Variants in FANCA observed in about 807,000 individuals in gnomAD.
The protein encoded by FANCA is Fanconi anemia group A protein.
FANCA carries 236 observed loss-of-function variants against 194.3 expected under a neutral mutation model. The observed-to-expected ratio is 1.21, with a 90% CI of 1.09 to 1.35. The LOEUF (loss-of-function observed/expected upper bound fraction) is 1.35, where lower values mean the gene tolerates loss of function less well. Ranked by LOEUF, FANCA falls within the 40% of genes most tolerant of loss-of-function variation. The pLI is 0.00. For missense variants in FANCA, 2,628 were observed against 1,813.9 expected, an observed-to-expected ratio of 1.45 and a Z score of -8.15; for synonymous variants, 1,014 against 715.8, an observed-to-expected ratio of 1.42 and a Z score of -6.65.
intron 17 of FANCA, among the ~76,000 whole-genome samples, 174 bp from the exon 18 acceptor site, chr16:89,780,131 C>T (rs1366728735): frequency 1.3e-5 from 2 of 152,178 alleles, no homozygotes; most frequent in African/African-American, 4.8e-5. Flanking sequence ...CAAAATGTCC[C>T]AAAATACCAG....
chr16:89,806,398 G>T lies in FANCA; in HGVS notation c.597-1006C>A, dbSNP rs1362266344. ...ATCATTCTTGGGTGTTTCTCGCAGAGGGGGATTTGGCAGGGTCATAGGACA... is the reference window on the plus strand; with the variant it reads ...ATCATTCTTGGGTGTTTCTCGCAGATGGGGATTTGGCAGGGTCATAGGACA... On this transcript the variant is annotated intron_variant, in intron 6 of 42. Coordinates refer to ENST00000389301, the MANE Select transcript of FANCA (RefSeq NM_000135.4). Among the ~76,000 whole-genome samples, 7 of 142,676 alleles carry T rather than the reference G, an allele frequency of 4.9e-5. No individual in the cohort carries two copies. The East Asian group carries it at 1.3e-3, about 26-fold the overall frequency. 93.6% of individuals were successfully genotyped at this position (142,676 alleles called of 152,430 possible). A position where few individuals can be genotyped will look rare whatever the true frequency, so the allele number is the denominator to read the frequency against.
rs766352671 is a variant in FANCA at position 89,799,624 on chromosome 16, T to C, written c.807A>G (p.Val269=). ...ACTTACAAATCAGCATTCTCTGCAG[T>C]ACATCAACCGTGACCTGTCAAAATA... ...PEKMPQVTVD[V]LQRMLIFALD... Residue 269 remains valine (V), a synonymous_variant, in exon 9 of 43, where the codon GTA becomes GTG. Transcript: ENST00000389301. The C allele has an allele frequency of 6.2e-7, 1 of 1,613,684 alleles. No homozygotes were observed. Among genetic ancestry groups the C allele is most frequent in the East Asian group, 2.2e-5 (1 of 44,882 alleles).
chr16:89,751,943 T>C (rs1334829134), intron 31 of FANCA, among the ~76,000 whole-genome samples, 195 bp downstream of exon 31: 2 of 152,020 alleles, frequency 1.3e-5, no homozygotes, highest in Admixed American at 6.6e-5. Flanking sequence ...GCTAAATTTT[T>C]GTATTTTTAG....
At chr16:89,801,812 T>C (rs527443756) in intron 8 of FANCA, among the ~76,000 whole-genome samples, 1 of 151,036 alleles carries the variant, frequency 6.6e-6, no homozygotes, top group South Asian at 2.1e-4. Flanking sequence ...CGGTTGAACC[T>C]GGGAGGCAGA....
chr16:89,742,773 A>C, intron 37 of FANCA, 27 bp downstream of exon 37: 1 of 1,613,644 alleles, frequency 6.2e-7, no homozygotes, highest in Non-Finnish European at 8.5e-7. Flanking sequence ...CGAGAAAATA[A>C]ATCAGTAAAA....
Position 89,765,061 on chromosome 16 carries a change from C to A in FANCA, c.2607G>T (p.Gln869His). 1 of 1,614,102 alleles carries A rather than the reference C, an allele frequency of 6.2e-7. No homozygotes were observed. The highest frequency in any genetic ancestry group is 8.5e-7 in the Non-Finnish European group (1 of 1,179,964). The change falls in exon 28 of 43, where the codon CAG (glutamine) becomes CAT (histidine). Residue 869 changes from glutamine (Q) to histidine (H), a missense_variant. Coordinates refer to ENST00000389301, the MANE Select transcript of FANCA (RefSeq NM_000135.4). ...CLSPGLIKKFQFLMFRLFSEA... is the reference protein window; with the variant it reads ...CLSPGLIKKFHFLMFRLFSEA... ...CTGAGAACAATCTGAACATGAGGAA[C>A]TGAAACTGAAACAGAGAGTGACCCG...
At position 89,752,633 on chromosome 16, in the gene FANCA, C is replaced by T. The variant is rs55751195; in HGVS notation, c.2982-411G>A. The stretch of plus-strand genomic sequence containing the variant: ...TTTTTATTCCAATATTATGATAATC[C>T]TCACTCAATAATCATAGCCTAGGAA... On this transcript the variant is annotated intron_variant, in intron 30 of 42. Transcript: ENST00000389301. 2.5e-3 allele frequency among the ~76,000 whole-genome samples: 379 copies of T among 152,202 alleles called. 1 individual carries two copies. The highest frequency in any genetic ancestry group is 0.01 in the Middle Eastern group (3 of 294).
At chr16:89,751,035 G>A (rs2038571276) in intron 31 of FANCA, among the ~76,000 whole-genome samples, 1 of 152,088 alleles carries the variant, frequency 6.6e-6, no homozygotes, top group Non-Finnish European at 1.5e-5. Context: ...GGGACTATAG[G>A]TACACACCAC....
chr16:89,816,277 C>T (rs886938609), intron 1 of FANCA: 2 of 270,448 alleles, frequency 7.4e-6, no homozygotes, highest in Non-Finnish European at 1.4e-5. Context: ...GCCCGCCTGA[C>T]AGGGCGGCCG....
chr16:89,769,869 A>C lies in FANCA; in HGVS notation c.2472T>G (p.Cys824Trp). 1.2e-6 allele frequency: 2 copies of C among 1,614,156 alleles called. No homozygotes were observed. Among genetic ancestry groups the C allele is most frequent in the Non-Finnish European group, 1.7e-6 (2 of 1,180,024 alleles). The change falls in exon 26 of 43, where the codon TGT becomes TGG. Residue 824 changes from cysteine to tryptophan, a missense_variant. Transcript: ENST00000389301. ...VPALFDSLLTCRTRDSLFFCL... is the reference protein window; with the variant it reads ...VPALFDSLLTWRTRDSLFFCL... Reference sequence around the variant, plus strand: ...AGAAGAACAAGGAATCCCTCGTCCTACAGGTCAGGAGGCTGTCAAAGAGCG... The same window carrying C: ...AGAAGAACAAGGAATCCCTCGTCCTCCAGGTCAGGAGGCTGTCAAAGAGCG...
intron 22 of FANCA, 72 bp downstream of exon 22, chr16:89,773,199 A>AG: frequency 8.3e-7 from 1 of 1,207,272 alleles, no homozygotes; most frequent in Non-Finnish European, 1.2e-6. Context: ...TATGGGGAAA[A>AG]TGGCCCAGCC....
At chr16:89,803,123 A>G in intron 8 of FANCA, 136 bp downstream of exon 8, 2 of 857,174 alleles carry the variant, frequency 2.3e-6, no homozygotes, top group South Asian at 1.4e-5. Flanking sequence ...CACTCTATGC[A>G]CAAAACAAGT....
intron 37 of FANCA, 85 bp from the exon 38 acceptor site, chr16:89,740,951 TG>T (rs906481667): frequency 1.6e-6 from 2 of 1,274,374 alleles, no homozygotes; most frequent in African/African-American, 3.0e-5. Flanking sequence ...CCTCTTTAAT[TG>T]AAATTTTTTA....
intron 14 of FANCA, among the ~76,000 whole-genome samples, chr16:89,789,777 G>C (rs1369894802): frequency 6.6e-6 from 1 of 151,606 alleles, no homozygotes; most frequent in Non-Finnish European, 1.5e-5. Flanking sequence ...TCTTCAAATG[G>C]AAACTTTACT....
chr16:89,747,575 T>G (rs1468240543), intron 33 of FANCA, among the ~76,000 whole-genome samples: 1 of 152,118 alleles, frequency 6.6e-6, no homozygotes, highest in Non-Finnish European at 1.5e-5. Context: ...GGCAGGCACC[T>G]GTAGTCCCAG....
chr16:89,798,195 C>T (rs1262003376), intron 10 of FANCA, among the ~76,000 whole-genome samples: 1 of 152,110 alleles, frequency 6.6e-6, no homozygotes, highest in African/African-American at 2.4e-5. Flanking sequence ...AGTAGGTCTC[C>T]TGCAAGCCAG....
chr16:89,741,425 TTTGAGCTGGTGTAAGTTG>T (rs1331558335), intron 37 of FANCA, among the ~76,000 whole-genome samples: 1 of 152,240 alleles, frequency 6.6e-6, no homozygotes, highest in Non-Finnish European at 1.5e-5. Flanking sequence ...TCGATCCAGC[TTTGAGCTGGTGTAAGTTG>T]TGTGCTGACA....
chr16:89,812,412 C>A (rs540225498), intron 3 of FANCA, among the ~76,000 whole-genome samples: 1 of 151,616 alleles, frequency 6.6e-6, no homozygotes, highest in South Asian at 2.1e-4. Context: ...TTTGGGAGGC[C>A]GAGGCGGGTG....
intron 14 of FANCA, 65 bp downstream of exon 14, chr16:89,791,338 T>C: frequency 1.9e-6 from 3 of 1,581,728 alleles, no homozygotes; most frequent in African/African-American, 1.3e-5. Context: ...GGGGACAGCA[T>C]GGTCCCCACT....
Sources: gnomAD v4.1 joint callset for allele counts (sites outside exome capture counted in the v4.1 genomes callset) on GRCh38, gnomAD v4.1.1 for gene constraint, MANE v1.5 for transcripts, NCBI Gene and HGNC (gene_info 2026-07-23, HGNC 2026-07-21) for gene names.